The following SORBS2 variants were observed in gnomAD, a reference collection of about 807,000 sequenced individuals.
SORBS2 encodes the protein sorbin and SH3 domain containing 2, also known as sorbin and SH3 domain-containing protein 2.
A neutral mutation model predicts 97.7 loss-of-function variants in SORBS2; 46 were observed. The observed-to-expected ratio is 0.47, with a 90% CI of 0.37 to 0.60. The LOEUF (loss-of-function observed/expected upper bound fraction) is 0.60. SORBS2 is among the 20% of genes least tolerant of loss of function. SORBS2 has a pLI of 0.00. For missense variants in SORBS2, 1,316 were observed against 1,282.3 expected, an observed-to-expected ratio of 1.03 and a Z score of -0.40; for synonymous variants, 476 against 473.4, an observed-to-expected ratio of 1.01 and a Z score of -0.07.
At chr4:185,816,580 T>A (rs2099193373) in intron 1 of SORBS2, among the ~76,000 whole-genome samples, 2 of 152,318 alleles carry the variant, frequency 1.3e-5, no homozygotes, top group African/African-American at 4.8e-5. Context: ...AAATTGGATT[T>A]ATTTCTATGA....
At chr4:185,937,158 C>T (rs769948334) in intron 1 of SORBS2, among the ~76,000 whole-genome samples, 6 of 150,712 alleles carry the variant, frequency 4.0e-5, no homozygotes, top group African/African-American at 9.8e-5. Flanking sequence ...TCATTCATCT[C>T]GTGCTTCTGC....
At chr4:185,801,086 CTA>C (rs1328713113) in intron 1 of SORBS2, among the ~76,000 whole-genome samples, 4 of 152,226 alleles carry the variant, frequency 2.6e-5, no homozygotes, top group African/African-American at 9.6e-5. Context: ...GACTCTGTTT[CTA>C]TGAGTTCAAC....
intron 4 of SORBS2, 143 bp downstream of exon 14, chr4:185,638,734 G>T: frequency 1.4e-6 from 1 of 692,516 alleles, no homozygotes; most frequent in Non-Finnish European, 2.2e-6. Context: ...GGGCTCTCAG[G>T]GGCCTGTGGA....
rs144069410 is a variant in SORBS2 at position 185,699,168 on chromosome 4, A to C, written c.-197-20346T>G. Among the ~76,000 whole-genome samples, 773 of 151,934 alleles carry C rather than the reference A, an allele frequency of 5.1e-3. 6 individuals are homozygous for C. Among genetic ancestry groups the C allele is most frequent in the African/African-American group, 0.018 (755 of 41,426 alleles). ...CTCAGATATGCAATGGTGAAATCCC[A>C]CTTGCTATGTGGAATTTAAATTTTG... On this transcript the variant is annotated intron_variant, in intron 2 of 20. Coordinates refer to the SORBS2 transcript ENST00000284776.
upstream of SORBS2, among the ~76,000 whole-genome samples, chr4:185,658,152 C>T (rs572601818): frequency 6.6e-6 from 1 of 152,270 alleles, no homozygotes; most frequent in Non-Finnish European, 1.5e-5. Context: ...AAAATCTTCA[C>T]ATCCAAGCCT....
At chr4:185,937,258 T>C (rs2099269384) in intron 1 of SORBS2, among the ~76,000 whole-genome samples, 1 of 152,190 alleles carries the variant, frequency 6.6e-6, no homozygotes. Flanking sequence ...ATGTGACCTT[T>C]TGAAAAGTAT....
At chr4:185,618,824 A>G (rs1487478237) in intron 8 of SORBS2, among the ~76,000 whole-genome samples, 193 bp from the exon 21 acceptor site, 1 of 152,248 alleles carries the variant, frequency 6.6e-6, no homozygotes, top group East Asian at 1.9e-4. Flanking sequence ...GGAATATAAT[A>G]GAAGGCTTAT....
chr4:185,638,336 GGATGTGAAGGCGA>G (rs2097059653), intron 4 of SORBS2, among the ~76,000 whole-genome samples, 174 bp from the exon 15 acceptor site: 1 of 152,218 alleles, frequency 6.6e-6, no homozygotes, highest in Admixed American at 6.5e-5. Context: ...AGTAGCATGA[GGATGTGAAGGCGA>G]GCTCCATGGC....
At chr4:185,769,268 T>G (rs1344813880) in intron 2 of SORBS2, among the ~76,000 whole-genome samples, 1 of 152,190 alleles carries the variant, frequency 6.6e-6, no homozygotes. Flanking sequence ...TGTATCCAAA[T>G]AGCCTGAAGG....
At chr4:185,780,790 G>A (rs1323951566) in intron 1 of SORBS2, among the ~76,000 whole-genome samples, 1 of 152,188 alleles carries the variant, frequency 6.6e-6, no homozygotes, top group Non-Finnish European at 1.5e-5. Context: ...TTTGCCATCT[G>A]GGTTGAGGTT....
intron 1 of SORBS2, among the ~76,000 whole-genome samples, chr4:185,938,433 C>G (rs1458273897): frequency 2.0e-5 from 3 of 149,468 alleles, no homozygotes; most frequent in Admixed American, 2.0e-4. Flanking sequence ...CACACACACC[C>G]TTTTATTCTA....
At position 185,614,903 on chromosome 4, in the gene SORBS2, G is replaced by A. The variant is rs201889866; in HGVS notation, c.2523C>T (p.Pro841=). 65 of 1,614,092 alleles carry A rather than the reference G, an allele frequency of 4.0e-5. 1 individual carries two copies. The highest frequency in any genetic ancestry group is 3.6e-4 in the South Asian group (33 of 91,070). Reference sequence around the variant, plus strand: ...TGGCTATAGCTTCTCCGATTTCTCCGGGCTGGGCTGGCGGAGGTGGTCTTG... The same window carrying A: ...TGGCTATAGCTTCTCCGATTTCTCCAGGCTGGGCTGGCGGAGGTGGTCTTG... The change falls in exon 11 of 15, where the codon CCC becomes CCT. Residue 841 remains proline (P), a synonymous_variant. Transcript: ENST00000418609.
intron 3 of SORBS2, 113 bp downstream of exon 12, chr4:185,649,354 G>A: frequency 1.2e-6 from 1 of 863,352 alleles, no homozygotes; most frequent in Middle Eastern, 3.6e-4. Context: ...AGACTAGCAA[G>A]ATTACACATC....
chr4:185,723,412 C>T (rs1210563396), intron 2 of SORBS2, among the ~76,000 whole-genome samples: 1 of 152,158 alleles, frequency 6.6e-6, no homozygotes, highest in Non-Finnish European at 1.5e-5. Context: ...TGTGCTAAAA[C>T]CTAAGCAATG....
In SORBS2 at chr4:185,627,062, G is replaced by A; in HGVS notation, c.447-43C>T. On this transcript the variant is annotated intron_variant, in intron 5 of 14. Transcript: ENST00000418609. ...ATCTGTTTGATTGGCACTGGAGGAGGTTCGGGTGTGCACCAGAAAAACCGG... is the reference window on the plus strand; with the variant it reads ...ATCTGTTTGATTGGCACTGGAGGAGATTCGGGTGTGCACCAGAAAAACCGG... The A allele has an allele frequency of 3.2e-6, 5 of 1,584,024 alleles. No homozygotes were observed. The South Asian group carries it at 5.5e-5, about 18-fold the overall frequency.
upstream of SORBS2, among the ~76,000 whole-genome samples, chr4:185,658,462 C>T (rs2097447226): frequency 2.0e-5 from 3 of 151,904 alleles, no homozygotes; most frequent in Non-Finnish European, 1.5e-5. Context: ...TAATAATATG[C>T]CTTTATATTT....
intron 1 of SORBS2, among the ~76,000 whole-genome samples, chr4:185,806,255 T>G (rs892136118): frequency 6.6e-6 from 1 of 152,190 alleles, no homozygotes; most frequent in African/African-American, 2.4e-5. Flanking sequence ...GTACAGGGAC[T>G]TCTGTTTAGA....
At chr4:185,953,423 C>T (rs576050660) in intron 1 of SORBS2, among the ~76,000 whole-genome samples, 1 of 152,356 alleles carries the variant, frequency 6.6e-6, no homozygotes, top group South Asian at 2.1e-4. Flanking sequence ...TTCCACCCTT[C>T]CTTTGGAAAA....
chr4:185,879,717 A>C (rs952400252), intron 1 of SORBS2, among the ~76,000 whole-genome samples: 1 of 152,146 alleles, frequency 6.6e-6, no homozygotes, highest in African/African-American at 2.4e-5. Flanking sequence ...CCATTCTAAC[A>C]GGTGTGAGAT....
Sources: gnomAD v4.1 joint callset for allele counts (sites outside exome capture counted in the v4.1 genomes callset) on GRCh38, gnomAD v4.1.1 for gene constraint, MANE v1.5 for transcripts, NCBI Gene and HGNC (gene_info 2026-07-23, HGNC 2026-07-21) for gene names.